Variants in HSPA4 observed in about 807,000 individuals in gnomAD.
The protein encoded by HSPA4 is heat shock protein family A (Hsp70) member 4, also known as heat shock 70 kDa protein 4.
Under a neutral mutation model 106.2 loss-of-function variants are expected in HSPA4, and 25 were observed. The ratio of observed to expected loss-of-function variants is 0.24; its 90% CI spans 0.17 to 0.33. The LOEUF (loss-of-function observed/expected upper bound fraction) is 0.33, where lower values mean the gene tolerates loss of function less well. HSPA4 is among the 10% of genes least tolerant of loss of function. The pLI is 1.00. For missense variants in HSPA4, 841 were observed against 996.0 expected (o/e 0.84, Z 2.10); for synonymous variants, 332 against 333.6 (o/e 1.00, Z 0.05).
intron 8 of HSPA4, 119 bp from the exon 9 acceptor site, chr5:133,088,285 T>C: frequency 1.5e-6 from 1 of 676,754 alleles, no homozygotes; most frequent in Admixed American, 2.6e-5. Flanking sequence ...ATGTGTGTGT[T>C]GCGGAGGTGG....
At chr5:133,059,576 G>A (rs1765212533) in intron 1 of HSPA4, among the ~76,000 whole-genome samples, 1 of 152,076 alleles carries the variant, frequency 6.6e-6, no homozygotes, top group Non-Finnish European at 1.5e-5. Context: ...TCGAGCCACT[G>A]CATTCCAGCC....
intron 1 of HSPA4, among the ~76,000 whole-genome samples, chr5:133,057,360 C>CTT (rs74273264): frequency 0.018 from 2,484 of 139,478 alleles, 80 homozygotes; most frequent in African/African-American, 0.062. Flanking sequence ...TTCTGCGTAC[C>CTT]TTTTTTTTTT....
At chr5:133,097,032 C>T in intron 14 of HSPA4, 129 bp from the exon 15 acceptor site, 1 of 622,848 alleles carries the variant, frequency 1.6e-6, no homozygotes, top group Admixed American at 2.9e-5. Flanking sequence ...TCCCACTTAC[C>T]TTTGTTATGT....
intron 7 of HSPA4, 95 bp downstream of exon 7, chr5:133,076,993 G>T: frequency 8.9e-7 from 1 of 1,126,884 alleles, no homozygotes; most frequent in South Asian, 1.6e-5. Context: ...AATCACGGAG[G>T]TTATATGATA....
At chr5:133,053,576 C>G (rs1346493283) in intron 1 of HSPA4, among the ~76,000 whole-genome samples, 1 of 152,094 alleles carries the variant, frequency 6.6e-6, no homozygotes, top group South Asian at 2.1e-4. Flanking sequence ...TCTCGAACTT[C>G]TGGACTCAAG....
intron 2 of HSPA4, among the ~76,000 whole-genome samples, chr5:133,066,475 T>G (rs1765306502): frequency 6.6e-6 from 1 of 152,200 alleles, no homozygotes; most frequent in South Asian, 2.1e-4. Context: ...AAGTCACCTG[T>G]TCAACCATTA....
At chr5:133,093,110 C>T (rs1318165958) in intron 13 of HSPA4, among the ~76,000 whole-genome samples, 3 of 151,416 alleles carry the variant, frequency 2.0e-5, no homozygotes, top group Non-Finnish European at 4.4e-5. Context: ...GTATTACAGG[C>T]GTGAGCCACC....
In HSPA4 at chr5:133,101,812, A is replaced by G. The variant is rs770131128; in HGVS notation, c.2091A>G (p.Lys697=). 1.2e-5 allele frequency: 19 copies of G among 1,607,480 alleles called. No homozygotes were observed. In the South Asian group the frequency reaches 2.1e-4, roughly 18 times the overall value. ...IRFQESEERP[K]LFEELGKQIQ... ...TCCAGGAATCTGAAGAACGACCAAA[A>G]TTATTTGAAGAACTAGGGAAACAGA... The change falls in exon 17 of 19, where the codon AAA becomes AAG. Residue 697 remains lysine (K), a synonymous_variant. Coordinates refer to ENST00000304858, the MANE Select transcript of HSPA4 (RefSeq NM_002154.4).
At position 133,088,336 on chromosome 5, in the gene HSPA4, T is replaced by C. The variant is rs1443659609; in HGVS notation, c.986-68T>C. ...GAGTTTTGTTACACATCTGAGTTAT[T>C]TCATCATGGTAAGATGTTATTGTTC... On this transcript the variant is annotated intron_variant, in intron 8 of 18. Transcript: ENST00000304858. 2.6e-6 allele frequency: 3 copies of C among 1,155,152 alleles called. No individual in the cohort carries two copies. In the African/African-American group the frequency reaches 4.6e-5, roughly 18 times the overall value. 71.6% of individuals were successfully genotyped at this position (1,155,152 alleles called of 1,614,324 possible).
chr5:133,090,553 A>G (rs1460435159), intron 11 of HSPA4, among the ~76,000 whole-genome samples: 1 of 152,116 alleles, frequency 6.6e-6, no homozygotes, highest in Non-Finnish European at 1.5e-5. Flanking sequence ...ACTCTGGGAA[A>G]CTCTTATCTG....
intron 13 of HSPA4, 141 bp downstream of exon 13, chr5:133,092,930 C>A (rs1207873961): frequency 1.8e-6 from 1 of 553,258 alleles, no homozygotes; most frequent in Non-Finnish European, 3.1e-6. Flanking sequence ...AAGTGATTCT[C>A]CTACCTCAGC....
intron 4 of HSPA4, 34 bp from the exon 5 acceptor site, chr5:133,073,196 A>G (rs775886603): frequency 2.2e-6 from 3 of 1,345,308 alleles, no homozygotes; most frequent in Non-Finnish European, 2.1e-6. Context: ...ATTAGAATCT[A>G]TAATACAGTA....
intron 11 of HSPA4, among the ~76,000 whole-genome samples, chr5:133,090,556 C>T (rs536978723): frequency 6.6e-6 from 1 of 151,046 alleles, no homozygotes; most frequent in South Asian, 2.1e-4. Context: ...CTGGGAAACT[C>T]TTATCTGGAA....
At chr5:133,103,023 A>G (rs1224024467) in intron 17 of HSPA4, among the ~76,000 whole-genome samples, 1 of 148,974 alleles carries the variant, frequency 6.7e-6, no homozygotes, top group Non-Finnish European at 1.5e-5. Context: ...CTAGGATTAT[A>G]GGCATTAGCC....
chr5:133,084,338 T>C (rs1258336250), intron 7 of HSPA4, among the ~76,000 whole-genome samples: 1 of 152,210 alleles, frequency 6.6e-6, no homozygotes. Context: ...AGTGACTCTT[T>C]AGCTTTTTTT....
At chr5:133,090,613 C>A (rs1765635676) in intron 11 of HSPA4, among the ~76,000 whole-genome samples, 2 of 151,854 alleles carry the variant, frequency 1.3e-5, no homozygotes, top group Non-Finnish European at 1.5e-5. Context: ...GTATAAAGAC[C>A]TAGAATATAT....
intron 7 of HSPA4, among the ~76,000 whole-genome samples, chr5:133,082,736 C>T (rs1765527807): frequency 6.6e-6 from 1 of 152,182 alleles, no homozygotes; most frequent in Non-Finnish European, 1.5e-5. Flanking sequence ...CCTAGGATTA[C>T]AGGTGTGAGC....
At chr5:133,055,592 C>G (rs1765150680) in intron 1 of HSPA4, among the ~76,000 whole-genome samples, 1 of 152,154 alleles carries the variant, frequency 6.6e-6, no homozygotes, top group African/African-American at 2.4e-5. Flanking sequence ...TTGAGTGCCT[C>G]TGATGTGGTA....
At chr5:133,076,523 ATTGCT>A in intron 6 of HSPA4, 126 bp from the exon 7 acceptor site, 8 of 735,856 alleles carry the variant, frequency 1.1e-5, no homozygotes, top group Non-Finnish European at 1.8e-5. Flanking sequence ...TGATGTATAC[ATTGCT>A]TTGTTTTAAC....
Sources: allele counts gnomAD v4.1 joint callset (sites outside exome capture counted in the v4.1 genomes callset), GRCh38; gene constraint gnomAD v4.1.1; transcripts MANE v1.5; gene names NCBI Gene and HGNC (gene_info 2026-07-23, HGNC 2026-07-21).